Variants in LANCL3 observed in about 807,000 individuals in gnomAD.
LANCL3 encodes LanC like family member 3.
In LANCL3, 19 loss-of-function variants were observed where a neutral mutation model predicts 26.5. The observed-to-expected ratio is 0.72, with a 90% CI of 0.50 to 1.05. LANCL3 has a LOEUF of 1.05. Ranked by LOEUF, LANCL3 falls within the 50% of genes least tolerant of loss-of-function variation. The pLI, the probability that LANCL3 is intolerant of heterozygous loss-of-function variation, is 0.00. For missense variants in LANCL3, 318 were observed against 362.7 expected (o/e 0.88, Z 1.00); for synonymous variants, 160 against 166.6 (o/e 0.96, Z 0.30).
At chrX:37,642,668 G>C (rs1925895416) in intron 1 of LANCL3, among the ~76,000 whole-genome samples, 1 of 112,060 alleles carries the variant, frequency 8.9e-6, no homozygotes, top group South Asian at 3.7e-4. Context: ...CATTGATCAA[G>C]TGAGGCCACA....
chrX:37,649,401 C>T (rs1926071360), intron 1 of LANCL3, among the ~76,000 whole-genome samples: 2 of 110,099 alleles, frequency 1.8e-5, no homozygotes, highest in Non-Finnish European at 3.8e-5. Context: ...GGGAGTTGAA[C>T]AATGAGAACA....
chrX:37,620,938 C>T (rs782008124), intron 1 of LANCL3, among the ~76,000 whole-genome samples: 2 of 111,665 alleles, frequency 1.8e-5, no homozygotes, highest in Admixed American at 9.5e-5. Context: ...CCATCGCATG[C>T]ATGCTCCTCT....
chrX:37,670,709 A>G (rs1167261810), intron 4 of LANCL3, among the ~76,000 whole-genome samples: 1 of 111,194 alleles, frequency 9.0e-6, no homozygotes, highest in Non-Finnish European at 1.9e-5. Context: ...AATTTGTCAT[A>G]TTTTTAAAAA....
chrX:37,667,422 A>C lies in LANCL3; in HGVS notation c.1036A>C (p.Ser346Arg). Residue 346 changes from serine (S) to arginine (R), a missense_variant, in exon 4 of 5, where the codon AGT becomes CGT. By Grantham distance (110) the Ser-to-Arg change is moderately radical. Transcript: ENST00000378619. ...GPGICHGVAG[S>R]AYVFLLLYRL... Reference sequence around the variant, plus strand: ...TGGGATTTGCCATGGAGTAGCCGGCAGTGCCTATGTCTTCCTGCTGCTGTA... The same window carrying C: ...TGGGATTTGCCATGGAGTAGCCGGCCGTGCCTATGTCTTCCTGCTGCTGTA... 1 of 1,202,833 alleles carries C rather than the reference A, an allele frequency of 8.3e-7. No homozygotes were observed. The highest frequency in any genetic ancestry group is 1.1e-6 in the Non-Finnish European group (1 of 891,653).
At chrX:37,586,982 T>A (rs1183849667) in intron 1 of LANCL3, among the ~76,000 whole-genome samples, 3 of 112,525 alleles carry the variant, frequency 2.7e-5, no homozygotes, top group African/African-American at 9.7e-5. Flanking sequence ...TTGGTGTGGA[T>A]GTACTTTCAG....
chrX:37,653,919 G>GA (rs377141077), intron 1 of LANCL3, among the ~76,000 whole-genome samples: 2,671 of 98,229 alleles, frequency 0.027, 100 homozygotes, highest in African/African-American at 0.09. Flanking sequence ...TCAGCAAATA[G>GA]AAAAAAAAAA....
chrX:37,668,503 G>A (rs996171955), intron 4 of LANCL3: 25 of 304,668 alleles, frequency 8.2e-5, no homozygotes, highest in Non-Finnish European at 1.5e-4. Context: ...TAAATAATCT[G>A]ATAGAAAGCA....
chrX:37,658,033 G>A (rs1556431559), intron 2 of LANCL3, among the ~76,000 whole-genome samples: 1 of 112,181 alleles, frequency 8.9e-6, no homozygotes, highest in Non-Finnish European at 1.9e-5. Flanking sequence ...TAGAGGGACT[G>A]GACTTTGACC....
chrX:37,602,799 A>G (rs1924605861), intron 1 of LANCL3, among the ~76,000 whole-genome samples: 2 of 111,545 alleles, frequency 1.8e-5, no homozygotes, highest in Admixed American at 1.9e-4. Context: ...TCTCTTAATT[A>G]AAAACAGCAT....
intron 1 of LANCL3, among the ~76,000 whole-genome samples, chrX:37,638,565 A>C (rs1179190324): frequency 9.8e-5 from 11 of 111,891 alleles, no homozygotes; most frequent in Non-Finnish European, 2.1e-4. Flanking sequence ...CAGACAGCTA[A>C]ACTATTCATT....
intron 1 of LANCL3, 33 bp downstream of exon 1, chrX:37,572,476 C>G: frequency 9.0e-7 from 1 of 1,114,907 alleles, no homozygotes; most frequent in Non-Finnish European, 1.2e-6. Context: ...GGAGGGCGCT[C>G]GCCGCCTGCC....
chrX:37,670,465 A>T, intron 4 of LANCL3, among the ~76,000 whole-genome samples: 1 of 62,101 alleles, frequency 1.6e-5, no homozygotes, highest in East Asian at 3.2e-4. Context: ...TAATTTTATG[A>T]TTTTAACATT....
At chrX:37,635,018 T>G (rs1409113344) in intron 1 of LANCL3, among the ~76,000 whole-genome samples, 1 of 109,168 alleles carries the variant, frequency 9.2e-6, no homozygotes, top group Non-Finnish European at 1.9e-5. Context: ...CTGGGAAACC[T>G]CACAGAATTA....
chrX:37,584,246 C>T (rs1347546705), intron 1 of LANCL3, among the ~76,000 whole-genome samples: 2 of 109,620 alleles, frequency 1.8e-5, no homozygotes, highest in East Asian at 2.8e-4. Flanking sequence ...ATTTTTGCCT[C>T]GATGTTCATC....
chrX:37,605,726 A>G (rs975640779), intron 1 of LANCL3, among the ~76,000 whole-genome samples: 1 of 110,945 alleles, frequency 9.0e-6, no homozygotes, highest in Non-Finnish European at 1.9e-5. Context: ...TGACATGCTC[A>G]CCTCCTTCAG....
At chrX:37,658,254 A>T (rs989877005) in intron 2 of LANCL3, among the ~76,000 whole-genome samples, 1 of 111,883 alleles carries the variant, frequency 8.9e-6, no homozygotes, top group East Asian at 2.8e-4. Flanking sequence ...GGTTCTCTAG[A>T]CAAACAGAAT....
At chrX:37,623,547 G>A (rs941525848) in intron 1 of LANCL3, among the ~76,000 whole-genome samples, 2 of 111,928 alleles carry the variant, frequency 1.8e-5, no homozygotes, top group Admixed American at 1.9e-4. Flanking sequence ...TCTTTTAAAA[G>A]CATTGATTTT....
chrX:37,597,932 C>G (rs1171639875), intron 1 of LANCL3, among the ~76,000 whole-genome samples: 5 of 110,260 alleles, frequency 4.5e-5, no homozygotes, highest in Admixed American at 1.9e-4. Context: ...TATTGACCAT[C>G]TTTTCATGTG....
At chrX:37,574,253 C>A (rs113827784) in intron 1 of LANCL3, among the ~76,000 whole-genome samples, 4 of 110,687 alleles carry the variant, frequency 3.6e-5, no homozygotes, top group Admixed American at 9.6e-5. Flanking sequence ...TATACCCCAT[C>A]CCCTCCCCGC....
Sources: allele counts gnomAD v4.1 joint callset (sites outside exome capture counted in the v4.1 genomes callset), GRCh38; gene constraint gnomAD v4.1.1; transcripts MANE v1.5; gene names NCBI Gene and HGNC (gene_info 2026-07-23, HGNC 2026-07-21).